Variants in MTMR10 observed in about 807,000 individuals in gnomAD.
MTMR10 encodes the protein myotubularin-related protein 10.
A neutral mutation model predicts 88.1 loss-of-function variants in MTMR10; 56 were observed. The observed-to-expected ratio is 0.64, with a 90% CI of 0.51 to 0.79. The LOEUF is 0.79. Among genes scored for constraint, MTMR10 ranks in the 30% least tolerant of loss-of-function variants. The probability of loss-of-function intolerance (pLI) is 0.00; values close to 1 mark genes in which losing one functional copy is unlikely to be tolerated. For missense variants in MTMR10, 883 were observed against 924.7 expected (o/e 0.95, Z 0.58); for synonymous variants, 380 against 340.9 (o/e 1.11, Z -1.26).
At chr15:30,967,444 T>C (rs570404148) in intron 6 of MTMR10, among the ~76,000 whole-genome samples, 16 of 152,302 alleles carry the variant, frequency 1.1e-4, no homozygotes, top group African/African-American at 3.1e-4. Flanking sequence ...TCATCAGTAT[T>C]ACTCAGAAAT....
the MTMR10 span, chr15:30,926,798 T>C: frequency 3.7e-5 from 36 of 985,430 alleles, 1 homozygote; most frequent in South Asian, 1.4e-3. Flanking sequence ...AGTTGAGCCA[T>C]GAGCCTGAAA....
chr15:30,969,769 T>C (rs1186930906), intron 5 of MTMR10, among the ~76,000 whole-genome samples: 2 of 152,158 alleles, frequency 1.3e-5, no homozygotes, highest in African/African-American at 4.8e-5. Flanking sequence ...CAGGTAACTA[T>C]ACCTTCCCAA....
intron 6 of MTMR10, chr15:30,965,932 T>G (rs1225673210): frequency 4.6e-6 from 2 of 431,820 alleles, no homozygotes; most frequent in East Asian, 1.5e-4. Flanking sequence ...CATCCAGAAG[T>G]TCAAGAGTGG....
At chr15:30,942,492 G>T in intron 15 of MTMR10, 1 of 260,036 alleles carries the variant, frequency 3.8e-6, no homozygotes, top group East Asian at 8.0e-5. Flanking sequence ...AAAATCCCAA[G>T]AATTTATTTG....
intron 7 of MTMR10, 107 bp from the exon 8 acceptor site, chr15:30,959,228 C>A: frequency 1.0e-6 from 1 of 997,700 alleles, no homozygotes; most frequent in Non-Finnish European, 1.5e-6. Context: ...TTAATGTGCA[C>A]CCCACTTAGT....
Position 30,939,109 on chromosome 15 carries a change from T to TA in MTMR10, c.*2360dup. The stretch of plus-strand genomic sequence containing the variant: ...AAATCAAGTTTTAACCACTTGAGGT[T>TA]ACTACTGCAGCAAGCAGATTTTGTT... On this transcript the variant is annotated 3_prime_UTR_variant, in exon 16 of 16. Coordinates refer to ENST00000435680, the MANE Select transcript of MTMR10 (RefSeq NM_017762.3). The TA allele has an allele frequency of 3.3e-5, 33 of 985,458 alleles. No homozygotes were observed. The highest frequency in any genetic ancestry group is 4.0e-5 in the Non-Finnish European group (33 of 829,920). The allele number at this position is 985,458 out of a possible 1,614,324, so 61.0% of individuals were successfully genotyped here.
At position 30,942,902 on chromosome 15, in the gene MTMR10, A is replaced by G; in HGVS notation, c.1719T>C (p.Phe573=). 6.4e-7 allele frequency: 1 copy of G among 1,563,766 alleles called. No individual in the cohort carries two copies. The highest frequency in any genetic ancestry group is 1.3e-5 in the African/African-American group (1 of 74,126). Residue 573 remains phenylalanine (F), a synonymous_variant, in exon 15 of 16, where the codon TTT becomes TTC. Transcript: ENST00000435680. ...PCIQNGSVKS[F]KRTKKSYSST... The stretch of plus-strand genomic sequence containing the variant: ...AGCTGTGATTTACCTTTGTCCGTTT[A>G]AAAGACTTCACGGAGCCATTCTGTA...
At position 30,939,167 on chromosome 15, in the gene MTMR10, T is replaced by C. The variant is rs2062954456; in HGVS notation, c.*2303A>G. ...GTGAACAGCTTTCACCCTCTGTTAG[T>C]ACAAATTAATATCCTTTCCTTAAAT... On this transcript the variant is annotated 3_prime_UTR_variant, in exon 16 of 16. Coordinates refer to ENST00000435680, the MANE Select transcript of MTMR10 (RefSeq NM_017762.3). The C allele has an allele frequency of 7.1e-6, 7 of 985,410 alleles. No individual in the cohort carries two copies. The highest frequency in any genetic ancestry group is 8.4e-6 in the Non-Finnish European group (7 of 829,870). 61.0% of individuals were successfully genotyped at this position (985,410 alleles called of 1,614,324 possible).
intron 6 of MTMR10, among the ~76,000 whole-genome samples, chr15:30,964,777 C>A (rs2949575): frequency 0.7 from 106,351 of 152,108 alleles, 38,275 homozygotes; most frequent in East Asian, 0.87. Context: ...GCAGACTAAG[C>A]GTGAAATAGA....
At position 30,939,349 on chromosome 15, in the gene MTMR10, G is replaced by A. The variant is rs1485000545; in HGVS notation, c.*2121C>T. On this transcript the variant is annotated 3_prime_UTR_variant, in exon 16 of 16. Transcript: ENST00000435680. The stretch of plus-strand genomic sequence containing the variant: ...ACGGGCTCTGCTGGCGGGCAGCAGG[G>A]GTGCTGAGCTCTCTCTAGTGCGCCC... 6.1e-6 allele frequency: 6 copies of A among 985,448 alleles called. No homozygotes were observed. Among genetic ancestry groups the A allele is most frequent in the Non-Finnish European group, 7.2e-6 (6 of 829,948 alleles). 61.0% of individuals were successfully genotyped at this position (985,448 alleles called of 1,614,324 possible).
downstream of MTMR10, chr15:30,937,292 A>G: frequency 6.3e-7 from 1 of 1,578,836 alleles, no homozygotes; most frequent in Non-Finnish European, 8.6e-7. Flanking sequence ...TCATACATTA[A>G]TGTAAGATTT....
At chr15:30,976,364 C>CCA (rs1303734380) in intron 3 of MTMR10, among the ~76,000 whole-genome samples, 3 of 152,060 alleles carry the variant, frequency 2.0e-5, no homozygotes, top group Non-Finnish European at 4.4e-5. Flanking sequence ...CGACATCATG[C>CCA]CACTGCACTC....
chr15:30,984,455 T>C (rs780582097), intron 2 of MTMR10, among the ~76,000 whole-genome samples: 7 of 152,168 alleles, frequency 4.6e-5, no homozygotes, highest in Non-Finnish European at 8.8e-5. Flanking sequence ...CAAAAATCAG[T>C]CTACAATCAT....
At position 30,939,015 on chromosome 15, in the gene MTMR10, C is replaced by T. The variant is rs1595895433; in HGVS notation, c.*2455G>A. On this transcript the variant is annotated 3_prime_UTR_variant, in exon 16 of 16. Transcript: ENST00000435680. ...AATACTGTTGAACAACAAGATAACA[C>T]ATCTTCTTGCTCATCCCACTTGAAC... 1.0e-6 allele frequency: 1 copy of T among 985,106 alleles called. No homozygotes were observed. Among genetic ancestry groups the T allele is most frequent in the East Asian group, 1.1e-4 (1 of 8,808 alleles). The allele number at this position is 985,106 out of a possible 1,614,324, so 61.0% of individuals were successfully genotyped here. A position where few individuals can be genotyped will look rare whatever the true frequency, so the allele number is the denominator to read the frequency against.
chr15:30,954,517 T>C (rs2063294744), intron 10 of MTMR10, among the ~76,000 whole-genome samples: 1 of 152,216 alleles, frequency 6.6e-6, no homozygotes, highest in Non-Finnish European at 1.5e-5. Flanking sequence ...TATTCTCCTA[T>C]ACCTTTCATC....
At chr15:30,929,379 G>A in the MTMR10 span, 22 of 1,606,968 alleles carry the variant, frequency 1.4e-5, no homozygotes, top group Non-Finnish European at 1.7e-5. Flanking sequence ...ATCGCTTCAC[G>A]TCTCTTCAGC....
chr15:30,954,996 A>T, intron 9 of MTMR10, 103 bp from the exon 10 acceptor site: 1 of 997,490 alleles, frequency 1.0e-6, no homozygotes, highest in Non-Finnish European at 1.4e-6. Context: ...TGAGACAGGT[A>T]AGGTCTCTGC....
At chr15:30,919,284 G>T in the MTMR10 span, among the ~76,000 whole-genome samples, 8 of 151,170 alleles carry the variant, frequency 5.3e-5, no homozygotes, top group African/African-American at 2.0e-4. Flanking sequence ...GGAGGCTGAG[G>T]CAGGAGAATC....
the MTMR10 span, among the ~76,000 whole-genome samples, chr15:30,920,900 C>G: frequency 6.6e-6 from 1 of 152,226 alleles, no homozygotes; most frequent in Non-Finnish European, 1.5e-5. Flanking sequence ...CCTCTCACCT[C>G]AGCCTCCTGA....
Sources: gnomAD v4.1 joint callset for allele counts (sites outside exome capture counted in the v4.1 genomes callset) on GRCh38, gnomAD v4.1.1 for gene constraint, MANE v1.5 for transcripts, NCBI Gene and HGNC (gene_info 2026-07-23, HGNC 2026-07-21) for gene names.